TNRC6C: variants seen among roughly 807,000 people sequenced by gnomAD.
The protein encoded by TNRC6C is trinucleotide repeat-containing gene 6C protein.
TNRC6C carries 20 observed loss-of-function variants against 153.7 expected under a neutral mutation model. That is an observed-to-expected ratio of 0.13 (90% CI 0.09 to 0.19). TNRC6C has a LOEUF of 0.19. TNRC6C is among the 10% of genes least tolerant of loss of function. TNRC6C has a pLI of 1.00. For synonymous variants in TNRC6C, 811 were observed against 841.4 expected (o/e 0.96, Z 0.63); for missense variants, 1,987 against 2,172.0 (o/e 0.91, Z 1.69).
upstream of TNRC6C, among the ~76,000 whole-genome samples, chr17:78,003,096 A>G (rs1298445773): frequency 6.6e-6 from 1 of 152,198 alleles, no homozygotes; most frequent in Non-Finnish European, 1.5e-5. Flanking sequence ...CTAGTAGCTA[A>G]TACTATAGAT....
chr17:78,004,166 A>C, upstream of TNRC6C: 2 of 1,231,794 alleles, frequency 1.6e-6, no homozygotes, highest in Non-Finnish European at 2.0e-6. Flanking sequence ...TTTGTATTTA[A>C]TAGGGAGAAA....
chr17:78,051,553 T>G, intron 3 of TNRC6C, 105 bp downstream of exon 5: 7 of 1,192,694 alleles, frequency 5.9e-6, no homozygotes, highest in Non-Finnish European at 7.6e-6. Flanking sequence ...TTATAGCAAA[T>G]AGCATTAAAA....
chr17:78,073,428 C>T (rs2073032734), intron 7 of TNRC6C, among the ~76,000 whole-genome samples: 1 of 152,248 alleles, frequency 6.6e-6, no homozygotes, highest in South Asian at 2.1e-4. Flanking sequence ...TTCCTCGTGC[C>T]TTGCCCCAGA....
In TNRC6C at chr17:78,086,743, T is replaced by C. The variant is rs1320743392; in HGVS notation, c.3562-110T>C. 1.9e-6 allele frequency: 3 copies of C among 1,572,068 alleles called. No individual in the cohort carries two copies. In the East Asian group the frequency reaches 6.7e-5, roughly 35 times the overall value. ...AGCTAGGTTTGGGAGGAGGTTGGCC[T>C]AGCCAGTAGTGGCCTCAGCATAAAG... On this transcript the variant is annotated intron_variant, in intron 12 of 19. Coordinates refer to ENST00000301624, the Ensembl canonical transcript of TNRC6C.
At chr17:77,959,233 C>G (rs1311761836), upstream of TNRC6C, 1 of 144,756 alleles carries the variant, frequency 6.9e-6, no homozygotes, top group Non-Finnish European at 1.5e-5. Context: ...ACCGGAGCCC[C>G]GCGGAGCCGC....
chr17:78,094,760 T>A (rs1294583910), intron 16 of TNRC6C, among the ~76,000 whole-genome samples: 1 of 152,222 alleles, frequency 6.6e-6, no homozygotes, highest in Admixed American at 6.5e-5. Context: ...TTCTTTAAAG[T>A]GATAGGCTTC....
intron 8 of TNRC6C, among the ~76,000 whole-genome samples, chr17:78,076,912 C>T (rs920947359): frequency 2.6e-5 from 4 of 152,218 alleles, no homozygotes; most frequent in Non-Finnish European, 5.9e-5. Context: ...TTCCTCCGTG[C>T]TCCTACCTGA....
chr17:77,958,573 T>A (rs2070830990), upstream of TNRC6C, among the ~76,000 whole-genome samples: 2 of 151,646 alleles, frequency 1.3e-5, no homozygotes, highest in African/African-American at 4.8e-5. Flanking sequence ...CAGTTCGCCC[T>A]CCGGTATGCA....
upstream of TNRC6C, among the ~76,000 whole-genome samples, chr17:78,001,687 T>A (rs1457807979): frequency 6.6e-6 from 1 of 152,186 alleles, no homozygotes; most frequent in Non-Finnish European, 1.5e-5. Flanking sequence ...AATAAAATCT[T>A]TGTAAAAATG....
At position 77,995,315 on chromosome 17, in the gene TNRC6C, A is replaced by G. The variant is rs575621972; in HGVS notation, c.-37-8855A>G. Among the ~76,000 whole-genome samples, 191 of 152,284 alleles carry G rather than the reference A, an allele frequency of 1.3e-3. 1 individual carries two copies. The highest frequency in any genetic ancestry group is 4.3e-3 in the African/African-American group (180 of 41,546). ...TGTGCAGGGGTGGCGACATGGCTGGAGTGTGCCTGCAGGATCCTGCCAGGG... is the reference window on the plus strand; with the variant it reads ...TGTGCAGGGGTGGCGACATGGCTGGGGTGTGCCTGCAGGATCCTGCCAGGG... On this transcript the variant is annotated intron_variant, in intron 1 of 22. Transcript: ENST00000636222.
At chr17:78,016,764 T>C (rs1157987039) in intron 1 of TNRC6C, among the ~76,000 whole-genome samples, 2 of 152,192 alleles carry the variant, frequency 1.3e-5, no homozygotes, top group Admixed American at 6.5e-5. Flanking sequence ...AGGATTATTA[T>C]ACTATAAACG....
intron 10 of TNRC6C, 50 bp from the exon 13 acceptor site, chr17:78,082,997 A>G: frequency 6.3e-7 from 1 of 1,597,220 alleles, no homozygotes. Context: ...GGTACAAGTA[A>G]CTATTTTAAC....
chr17:78,006,839 T>C (rs964495846), intron 1 of TNRC6C, among the ~76,000 whole-genome samples: 2 of 150,714 alleles, frequency 1.3e-5, no homozygotes, highest in African/African-American at 4.9e-5. Flanking sequence ...TTTTTTTTTT[T>C]TTTGAGATGG....
intron 13 of TNRC6C, 52 bp downstream of exon 15, chr17:78,087,145 A>T: frequency 1.3e-6 from 2 of 1,590,474 alleles, no homozygotes. Flanking sequence ...GGGTACCTGG[A>T]GTCCGTATGT....
At chr17:78,091,280 T>C (rs113064593) in intron 13 of TNRC6C, 160 bp from the exon 16 acceptor site, 68,120 of 756,574 alleles carry the variant, frequency 0.09, 3,631 homozygotes, top group East Asian at 0.19. Flanking sequence ...GAGCCAAGAT[T>C]GTGCCATTGC....
chr17:78,021,291 G>A (rs2071826619), intron 1 of TNRC6C, among the ~76,000 whole-genome samples: 1 of 152,220 alleles, frequency 6.6e-6, no homozygotes. Context: ...AGCAGTGAGA[G>A]GGCCAGCAGA....
chr17:78,037,539 T>C (rs1399679567), intron 2 of TNRC6C, among the ~76,000 whole-genome samples: 1 of 152,172 alleles, frequency 6.6e-6, no homozygotes, highest in Non-Finnish European at 1.5e-5. Context: ...GAGTTTCAAG[T>C]TAGCTGTGCT....
At chr17:77,993,582 G>A (rs1330061786) in intron 1 of TNRC6C, among the ~76,000 whole-genome samples, 4 of 152,092 alleles carry the variant, frequency 2.6e-5, no homozygotes, top group African/African-American at 9.7e-5. Flanking sequence ...ATACTGGTTT[G>A]TGTTTATTTA....
chr17:78,052,540 A>AC (rs2072558498), intron 3 of TNRC6C, among the ~76,000 whole-genome samples: 2 of 152,222 alleles, frequency 1.3e-5, no homozygotes, highest in Admixed American at 6.5e-5. Context: ...GGGAGGAAAC[A>AC]GTAAGCCCAG....
Sources: gnomAD v4.1 joint callset for allele counts (sites outside exome capture counted in the v4.1 genomes callset) on GRCh38, gnomAD v4.1.1 for gene constraint, MANE v1.5 for transcripts, NCBI Gene and HGNC (gene_info 2026-07-23, HGNC 2026-07-21) for gene names.